Variants in BCR observed in about 807,000 individuals in gnomAD.
The protein encoded by BCR is breakpoint cluster region protein.
BCR carries 58 observed loss-of-function variants against 138.6 expected under a neutral mutation model. The observed-to-expected ratio is 0.42, with a 90% CI of 0.34 to 0.52. The LOEUF (loss-of-function observed/expected upper bound fraction) is 0.52, where lower values mean the gene tolerates loss of function less well. Among genes scored for constraint, BCR ranks in the 20% least tolerant of loss-of-function variants. The pLI, the probability that BCR is intolerant of heterozygous loss-of-function variation, is 0.06. For missense variants in BCR, 1,599 were observed against 1,727.2 expected, an observed-to-expected ratio of 0.93 and a Z score of 1.32; for synonymous variants, 786 against 730.1, an observed-to-expected ratio of 1.08 and a Z score of -1.23.
intron 16 of BCR, among the ~76,000 whole-genome samples, chr22:23,295,377 A>G (rs532909944): frequency 3.0e-4 from 45 of 152,274 alleles, no homozygotes; most frequent in African/African-American, 1.1e-3. Context: ...GCGTCGGCTC[A>G]TTCCCAAAGG....
intron 1 of BCR, among the ~76,000 whole-genome samples, chr22:23,218,408 C>T (rs887389048): frequency 3.3e-5 from 5 of 152,222 alleles, no homozygotes; most frequent in Non-Finnish European, 5.9e-5. Context: ...CCAGGGGAAC[C>T]CCCATTATGT....
chr22:23,287,010 C>T lies in BCR; in HGVS notation c.2407-149C>T, dbSNP rs191207667. The T allele has an allele frequency of 1.7e-4, 232 of 1,341,306 alleles. 1 individual carries two copies. In the African/African-American group the frequency reaches 2.5e-3, roughly 14 times the overall value. The allele number at this position is 1,341,306 out of a possible 1,614,324, so 83.1% of individuals were successfully genotyped here. A position where few individuals can be genotyped will look rare whatever the true frequency, so the allele number is the denominator to read the frequency against. ...GTCCTCCAGAGGCCACCAGCAACTGCGGTCTGGGGCCCTGGTCTGTGCTGA... is the reference window on the plus strand; with the variant it reads ...GTCCTCCAGAGGCCACCAGCAACTGTGGTCTGGGGCCCTGGTCTGTGCTGA... On this transcript the variant is annotated intron_variant, in intron 10 of 22. Coordinates refer to ENST00000305877, the MANE Select transcript of BCR (RefSeq NM_004327.4).
intron 1 of BCR, among the ~76,000 whole-genome samples, chr22:23,251,452 C>T (rs981538405): frequency 1.3e-5 from 2 of 152,282 alleles, no homozygotes; most frequent in East Asian, 1.9e-4. Context: ...TCCTGTGGGA[C>T]GAGAAGTGGA....
intron 1 of BCR, among the ~76,000 whole-genome samples, chr22:23,243,204 G>T (rs1219104535): frequency 6.6e-6 from 1 of 152,102 alleles, no homozygotes; most frequent in African/African-American, 2.4e-5. Flanking sequence ...TGCTAATGAG[G>T]TGATGCTTGA....
chr22:23,298,557 T>TTTTC (rs920286554), intron 16 of BCR, among the ~76,000 whole-genome samples: 46 of 151,148 alleles, frequency 3.0e-4, no homozygotes, highest in African/African-American at 1.1e-3. Context: ...CCTTCCTTCC[T>TTTTC]TTTCTTTCTT....
chr22:23,184,528 A>G (rs981367518), intron 1 of BCR, among the ~76,000 whole-genome samples: 10 of 152,144 alleles, frequency 6.6e-5, no homozygotes, highest in Admixed American at 2.0e-4. Context: ...GAAATATAGC[A>G]ATTTCCCACA....
intron 1 of BCR, chr22:23,243,072 A>C (rs755224429): frequency 6.6e-5 from 18 of 271,454 alleles, no homozygotes; most frequent in Non-Finnish European, 1.0e-4. Flanking sequence ...AGAAACCTGT[A>C]TGTGGTCTTC....
At chr22:23,282,724 C>T (rs1417682123) in intron 8 of BCR, among the ~76,000 whole-genome samples, 1 of 152,228 alleles carries the variant, frequency 6.6e-6, no homozygotes, top group African/African-American at 2.4e-5. Flanking sequence ...GGTGCACCGC[C>T]TGCGGGGAGA....
chr22:23,218,112 A>T (rs148998935), intron 1 of BCR, among the ~76,000 whole-genome samples: 2,322 of 152,258 alleles, frequency 0.015, 24 homozygotes, highest in Admixed American at 0.023. Context: ...TGTTCTCTTC[A>T]TTCTGGACCC....
At chr22:23,196,002 G>A (rs1381756368) in intron 1 of BCR, among the ~76,000 whole-genome samples, 2 of 152,206 alleles carry the variant, frequency 1.3e-5, no homozygotes, top group Admixed American at 6.5e-5. Flanking sequence ...AAAATGGAAA[G>A]ACAGGACAGT....
At chr22:23,307,066 C>G (rs1162988955) in intron 16 of BCR, among the ~76,000 whole-genome samples, 1 of 152,202 alleles carries the variant, frequency 6.6e-6, no homozygotes, top group East Asian at 1.9e-4. Flanking sequence ...AAGAATGTCT[C>G]CTGCTTAACA....
At chr22:23,284,208 G>A (rs771821058) in intron 9 of BCR, 110 bp downstream of exon 9, 114 of 1,448,196 alleles carry the variant, frequency 7.9e-5, no homozygotes, top group South Asian at 4.5e-4. Flanking sequence ...GTTACATTCC[G>A]TTTCTACTTG....
At chr22:23,275,977 G>A (rs955111953) in intron 8 of BCR, among the ~76,000 whole-genome samples, 1 of 152,184 alleles carries the variant, frequency 6.6e-6, no homozygotes, top group African/African-American at 2.4e-5. Flanking sequence ...GGGGAATTAA[G>A]GAAAACGCGA....
At chr22:23,277,492 T>C (rs925424195) in intron 8 of BCR, among the ~76,000 whole-genome samples, 3 of 152,112 alleles carry the variant, frequency 2.0e-5, no homozygotes, top group African/African-American at 7.2e-5. Flanking sequence ...CCCTTTTAGC[T>C]CCGCACACTA....
At chr22:23,300,438 C>T (rs966279807) in intron 16 of BCR, among the ~76,000 whole-genome samples, 1 of 152,232 alleles carries the variant, frequency 6.6e-6, no homozygotes, top group Non-Finnish European at 1.5e-5. Context: ...AACAGACATT[C>T]ACCAGCAGGT....
intron 8 of BCR, among the ~76,000 whole-genome samples, chr22:23,280,792 C>T (rs956755127): frequency 1.3e-5 from 2 of 152,230 alleles, no homozygotes; most frequent in Admixed American, 6.5e-5. Flanking sequence ...GTGTTTCCCA[C>T]CTGGGATGTG....
Position 23,310,436 on chromosome 22 carries a change from G to T in BCR, c.3182+3G>T. On this transcript the variant is annotated splice_donor_region_variant and intron_variant, in intron 18 of 22. Transcript: ENST00000305877. Reference sequence around the variant, plus strand: ...GTCAAGATTGCTGTGGTCACCAAGTGAGTGGGGAGGGGCTTGGGCTCACGC... The same window carrying T: ...GTCAAGATTGCTGTGGTCACCAAGTTAGTGGGGAGGGGCTTGGGCTCACGC... The T allele has an allele frequency of 1.2e-6, 1 of 845,836 alleles. No homozygotes were observed. Among genetic ancestry groups the T allele is most frequent in the Non-Finnish European group, 2.0e-6 (1 of 501,298 alleles). The allele number at this position is 845,836 out of a possible 1,614,324, so 52.4% of individuals were successfully genotyped here. A position where few individuals can be genotyped will look rare whatever the true frequency, so the allele number is the denominator to read the frequency against.
At chr22:23,274,857 G>T (rs1048005132) in intron 8 of BCR, among the ~76,000 whole-genome samples, 4 of 139,160 alleles carry the variant, frequency 2.9e-5, no homozygotes, top group African/African-American at 1.1e-4. Context: ...GCAGTGAGCC[G>T]AGATCTCACC....
intron 1 of BCR, among the ~76,000 whole-genome samples, chr22:23,247,101 A>G (rs2073165894): frequency 6.6e-6 from 1 of 151,988 alleles, no homozygotes; most frequent in South Asian, 2.1e-4. Flanking sequence ...CCTCCAAAAG[A>G]CGTGTGCTGC....
Sources: gnomAD v4.1 joint callset for allele counts (sites outside exome capture counted in the v4.1 genomes callset) on GRCh38, gnomAD v4.1.1 for gene constraint, MANE v1.5 for transcripts, NCBI Gene and HGNC (gene_info 2026-07-23, HGNC 2026-07-21) for gene names.